Variants in TNFSF11 observed in about 807,000 individuals in gnomAD.
The protein encoded by TNFSF11 is TNF superfamily member 11, also known as tumor necrosis factor ligand superfamily member 11.
A neutral mutation model predicts 32.2 loss-of-function variants in TNFSF11; 12 were observed. That is an observed-to-expected ratio of 0.37 (90% confidence interval 0.24 to 0.60). The LOEUF is 0.60. Ranked by LOEUF, TNFSF11 falls within the 20% of genes least tolerant of loss-of-function variation. The pLI is 0.66. For missense variants in TNFSF11, 345 were observed against 398.0 expected, an observed-to-expected ratio of 0.87 and a Z score of 1.13; for synonymous variants, 172 against 152.1, an observed-to-expected ratio of 1.13 and a Z score of -0.96.
chr13:42,576,295 G>A (rs1873312037), intron 1 of TNFSF11, among the ~76,000 whole-genome samples: 1 of 152,094 alleles, frequency 6.6e-6, no homozygotes, highest in South Asian at 2.1e-4. Flanking sequence ...TGGCTGTGTA[G>A]GAAAGAGTGA....
chr13:42,587,245 T>G (rs542867281), intron 2 of TNFSF11, among the ~76,000 whole-genome samples: 16 of 152,306 alleles, frequency 1.1e-4, no homozygotes, highest in African/African-American at 3.4e-4. Context: ...TCCAGTAGCA[T>G]CATATCGGCT....
intron 1 of TNFSF11, among the ~76,000 whole-genome samples, chr13:42,579,704 C>CTTTTTTTTTT (rs59375842): frequency 5.6e-4 from 37 of 65,504 alleles, no homozygotes; most frequent in East Asian, 1.0e-3. Context: ...TAAGTAAGCC[C>CTTTTTTTTTT]TTTTTTTTTT....
Position 42,607,543 on chromosome 13 carries a change from T to A in TNFSF11, c.*625T>A, listed in dbSNP as rs566390798. On this transcript the variant is annotated 3_prime_UTR_variant, in exon 5 of 5. Transcript: ENST00000398795. ...AGACATATTTAACTGGTGCACTTTG[T>A]AAATTCCCTGGGGAAAACTTGCAGC... The A allele has an allele frequency of 2.0e-5, 3 of 152,802 alleles. No individual in the cohort carries two copies. Among genetic ancestry groups the A allele is most frequent in the Non-Finnish European group, 4.4e-5 (3 of 68,042 alleles). 9.5% of individuals were successfully genotyped at this position (152,802 alleles called of 1,614,324 possible). A position where few individuals can be genotyped will look rare whatever the true frequency, so the allele number is the denominator to read the frequency against.
In TNFSF11 at chr13:42,579,557, A is replaced by G. The variant is rs866317267; in HGVS notation, c.220-1569A>G. On this transcript the variant is annotated intron_variant, in intron 1 of 4. Transcript: ENST00000398795. ...GGCATTTCCCCACTAAGGCCACATT[A>G]TTCCTTTGGCTCAGCAGTTTTCTGG... 2.5e-4 allele frequency among the ~76,000 whole-genome samples: 38 copies of G among 152,222 alleles called. No individual in the cohort carries two copies. In the Middle Eastern group the frequency reaches 0.014, roughly 55 times the overall value.
intron 4 of TNFSF11, among the ~76,000 whole-genome samples, chr13:42,604,838 C>T (rs1869365239): frequency 6.6e-6 from 1 of 152,130 alleles, no homozygotes; most frequent in Non-Finnish European, 1.5e-5. Context: ...GGCTGGAGTG[C>T]CGTAGCGCGA....
In TNFSF11 at chr13:42,574,282, C is replaced by G. The variant is rs200702178; in HGVS notation, c.-22C>G. Reference sequence around the variant, plus strand: ...GGGAGCGGGAGAGGGAGGAGAGCTCCGAAGCGAGAGGGCCGAGCGCCATGC... The same window carrying G: ...GGGAGCGGGAGAGGGAGGAGAGCTCGGAAGCGAGAGGGCCGAGCGCCATGC... On this transcript the variant is annotated 5_prime_UTR_variant, in exon 1 of 5. Transcript: ENST00000398795. The G allele has an allele frequency of 1.4e-5, 21 of 1,546,046 alleles. No individual in the cohort carries two copies. Among genetic ancestry groups the G allele is most frequent in the Non-Finnish European group, 1.7e-5 (20 of 1,145,670 alleles).
chr13:42,592,339 G>A (rs1480905815), intron 2 of TNFSF11, among the ~76,000 whole-genome samples: 3 of 152,170 alleles, frequency 2.0e-5, no homozygotes, highest in Non-Finnish European at 4.4e-5. Context: ...ACTCAGGTTC[G>A]GTAATATTCT....
At chr13:42,585,441 T>C (rs1260564203) in intron 2 of TNFSF11, among the ~76,000 whole-genome samples, 4 of 152,322 alleles carry the variant, frequency 2.6e-5, no homozygotes, top group Non-Finnish European at 5.9e-5. Context: ...GCTGTTTTTT[T>C]CCCCATTTTT....
chr13:42,585,326 A>T (rs1358629076), intron 2 of TNFSF11, among the ~76,000 whole-genome samples: 1 of 152,196 alleles, frequency 6.6e-6, no homozygotes, highest in African/African-American at 2.4e-5. Context: ...TTATTGGGAG[A>T]TCAACCCCTC....
chr13:42,566,232 A>G (rs1211840123), intron 1 of TNFSF11, among the ~76,000 whole-genome samples: 1 of 152,222 alleles, frequency 6.6e-6, no homozygotes, highest in Non-Finnish European at 1.5e-5. Context: ...ATTTCCAGCC[A>G]TGAGAGATCC....
chr13:42,584,314 T>A (rs1171523754), intron 2 of TNFSF11, among the ~76,000 whole-genome samples: 1 of 152,252 alleles, frequency 6.6e-6, no homozygotes. Context: ...ATATTCTGAA[T>A]TCTTAAAAAG....
chr13:42,587,440 G>C (rs899183864), intron 2 of TNFSF11, among the ~76,000 whole-genome samples: 1 of 152,192 alleles, frequency 6.6e-6, no homozygotes, highest in Non-Finnish European at 1.5e-5. Flanking sequence ...ATTTAGGTAG[G>C]AAGGAGGACT....
In TNFSF11 at chr13:42,581,160, A is replaced by T. The variant is rs199910582; in HGVS notation, c.254A>T (p.His85Leu). The change falls in exon 2 of 5, where the codon CAC (histidine) becomes CTC (leucine). Residue 85 changes from histidine (H) to leucine (L), a missense_variant. His to Leu is a moderately conservative substitution (Grantham distance 99). Coordinates refer to ENST00000398795, the MANE Select transcript of TNFSF11 (RefSeq NM_003701.4). Reference sequence around the variant, plus strand: ...AATAGAATATCAGAAGATGGCACTCACTGCATTTATAGAATTTTGAGACTC... The same window carrying T: ...AATAGAATATCAGAAGATGGCACTCTCTGCATTTATAGAATTTTGAGACTC... ...DPNRISEDGT[H>L]CIYRILRLHE... is the part of the protein sequence containing the mutation. The T allele has an allele frequency of 6.2e-7, 1 of 1,614,124 alleles. No homozygotes were observed. Among genetic ancestry groups the T allele is most frequent in the Non-Finnish European group, 8.5e-7 (1 of 1,179,976 alleles).
Position 42,600,775 on chromosome 13 carries a change from A to G in TNFSF11, c.411A>G (p.Ser137=). ...AGGAATTACAACATATCGTTGGATCACAGCACATCAGAGCAGAGAAAGGTA... is the reference window on the plus strand; with the variant it reads ...AGGAATTACAACATATCGTTGGATCGCAGCACATCAGAGCAGAGAAAGGTA... ...VQKELQHIVG[S]QHIRAEKAMV... The change falls in exon 3 of 5, where the codon TCA becomes TCG. Residue 137 remains serine, a synonymous_variant. Coordinates refer to ENST00000398795, the MANE Select transcript of TNFSF11 (RefSeq NM_003701.4). 1 of 1,614,140 alleles carries G rather than the reference A, an allele frequency of 6.2e-7. No homozygotes were observed. The highest frequency in any genetic ancestry group is 8.5e-7 in the Non-Finnish European group (1 of 1,180,002).
chr13:42,587,467 G>T (rs1873953107), intron 2 of TNFSF11, among the ~76,000 whole-genome samples: 2 of 152,192 alleles, frequency 1.3e-5, no homozygotes, highest in African/African-American at 4.8e-5. Context: ...ATATAAGCAA[G>T]AGTTAACTCT....
intron 4 of TNFSF11, among the ~76,000 whole-genome samples, chr13:42,601,392 C>A (rs907278821): frequency 6.6e-6 from 1 of 152,170 alleles, no homozygotes; most frequent in Admixed American, 6.5e-5. Context: ...AGGGAGGACA[C>A]TTTAGACCCC....
chr13:42,568,255 G>A (rs914354811), intron 2 of TNFSF11, among the ~76,000 whole-genome samples: 2 of 152,046 alleles, frequency 1.3e-5, no homozygotes, highest in Admixed American at 6.6e-5. Flanking sequence ...TGTATGCTTT[G>A]CCAACCCCTT....
intron 2 of TNFSF11, among the ~76,000 whole-genome samples, chr13:42,568,992 T>C (rs948264069): frequency 2.6e-5 from 4 of 151,878 alleles, no homozygotes; most frequent in East Asian, 1.9e-4. Flanking sequence ...ATTTGAAGAG[T>C]TGAGGTCAGG....
chr13:42,574,979 G>C (rs988854968), intron 1 of TNFSF11, among the ~76,000 whole-genome samples: 1 of 152,248 alleles, frequency 6.6e-6, no homozygotes, highest in East Asian at 1.9e-4. Context: ...GGCGGGTTTC[G>C]GTTCCTGCGC....
Sources: allele counts gnomAD v4.1 joint callset (sites outside exome capture counted in the v4.1 genomes callset), GRCh38; gene constraint gnomAD v4.1.1; transcripts MANE v1.5; gene names NCBI Gene and HGNC (gene_info 2026-07-23, HGNC 2026-07-21).